ANK2: variants seen among roughly 807,000 people sequenced by gnomAD.
ANK2 encodes the protein ankyrin 2.
In ANK2, 83 loss-of-function variants were observed where a neutral mutation model predicts 360.5. That is an observed-to-expected ratio of 0.23 (90% CI 0.19 to 0.28). The LOEUF is 0.28. ANK2 is among the 10% of genes least tolerant of loss of function. The probability of loss-of-function intolerance (pLI) is 1.00; values close to 1 mark genes in which losing one functional copy is unlikely to be tolerated. For synonymous variants in ANK2, 1,740 were observed against 1,759.5 expected, an observed-to-expected ratio of 0.99 and a Z score of 0.28; for missense variants, 4,201 against 4,795.7, an observed-to-expected ratio of 0.88 and a Z score of 3.66.
intron 1 of ANK2, among the ~76,000 whole-genome samples, chr4:112,840,533 C>T (rs2061870524): frequency 1.3e-5 from 2 of 152,128 alleles, no homozygotes; most frequent in Admixed American, 1.3e-4. Context: ...ATAAGGGCCA[C>T]AGGCTTATAT....
intron 4 of ANK2, among the ~76,000 whole-genome samples, chr4:113,228,928 G>T (rs74367714): frequency 1.3e-5 from 2 of 152,120 alleles, no homozygotes; most frequent in African/African-American, 2.4e-5. Context: ...GGAATGCTTG[G>T]AGTTGCACAC....
In ANK2 at chr4:113,354,723, G is replaced by T; in HGVS notation, c.6105G>T (p.Pro2035=). ...TTCGGGTAGAAAAAGAAAAGGGGCC[G>T]ATACTAACCCAGAGAGAAGCTCAGA... is the stretch of plus-strand genomic sequence containing the variant. The part of the protein sequence containing the change: ...GKVRVEKEKG[P]ILTQREAQKT... The change falls in exon 38 of 46, where the codon CCG becomes CCT. Residue 2035 remains proline (P), a synonymous_variant. Transcript: ENST00000357077. The T allele has an allele frequency of 1.9e-6, 3 of 1,613,714 alleles. No homozygotes were observed. Among genetic ancestry groups the T allele is most frequent in the Non-Finnish European group, 2.5e-6 (3 of 1,179,928 alleles).
chr4:112,770,147 CTT>C, the ANK2 span, among the ~76,000 whole-genome samples: 469 of 152,322 alleles, frequency 3.1e-3, 2 homozygotes, highest in Non-Finnish European at 5.2e-3. Context: ...CGTGGGTTCT[CTT>C]CTCTCCCCTT....
intron 2 of ANK2, among the ~76,000 whole-genome samples, chr4:113,018,957 A>C (rs998172280): frequency 7.2e-5 from 11 of 152,194 alleles, no homozygotes; most frequent in Non-Finnish European, 2.9e-5. Context: ...GGTGAAGCTG[A>C]ACCTCCTCAA....
intron 1 of ANK2, among the ~76,000 whole-genome samples, chr4:112,821,285 A>G (rs2056949281): frequency 6.6e-6 from 1 of 151,828 alleles, no homozygotes. Flanking sequence ...CTGGGCTCAA[A>G]TGATCCTACT....
chr4:113,325,849 AT>A (rs1259160845), intron 26 of ANK2, among the ~76,000 whole-genome samples: 2 of 152,166 alleles, frequency 1.3e-5, no homozygotes, highest in African/African-American at 4.8e-5. Context: ...TAACAGGATT[AT>A]TTTTCATTGC....
At chr4:113,287,844 A>T (rs1048476387) in intron 19 of ANK2, 141 bp downstream of exon 19, 2 of 758,292 alleles carry the variant, frequency 2.6e-6, no homozygotes, top group African/African-American at 1.7e-5. Context: ...ACCCTCTCCT[A>T]TGCACAAATC....
the ANK2 span, among the ~76,000 whole-genome samples, chr4:112,707,454 G>A: frequency 1.3e-5 from 2 of 152,108 alleles, no homozygotes; most frequent in African/African-American, 4.8e-5. Flanking sequence ...GTAGAATCTA[G>A]GACTCTAATT....
At chr4:112,968,073 C>T (rs1187506730) in intron 2 of ANK2, among the ~76,000 whole-genome samples, 2 of 152,032 alleles carry the variant, frequency 1.3e-5, no homozygotes, top group Non-Finnish European at 2.9e-5. Flanking sequence ...GAGATTTGCC[C>T]AATCATGGAA....
At chr4:112,844,378 CTTACAT>C (rs2062829488) in intron 1 of ANK2, among the ~76,000 whole-genome samples, 1 of 152,206 alleles carries the variant, frequency 6.6e-6, no homozygotes, top group Non-Finnish European at 1.5e-5. Context: ...TACATTATTA[CTTACAT>C]GTTATCGCTT....
At chr4:112,949,284 T>G (rs1482599636) in intron 2 of ANK2, among the ~76,000 whole-genome samples, 1 of 152,188 alleles carries the variant, frequency 6.6e-6, no homozygotes, top group Non-Finnish European at 1.5e-5. Flanking sequence ...TGGCTTCACT[T>G]AGGAAAAACA....
intron 2 of ANK2, among the ~76,000 whole-genome samples, chr4:113,005,493 A>G (rs2052502724): frequency 1.3e-5 from 2 of 152,202 alleles, no homozygotes; most frequent in Non-Finnish European, 2.9e-5. Flanking sequence ...CAAAAAGGCA[A>G]ATACCACGTG....
chr4:113,084,886 C>A (rs981019527), intron 1 of ANK2, among the ~76,000 whole-genome samples: 1 of 152,172 alleles, frequency 6.6e-6, no homozygotes, highest in Non-Finnish European at 1.5e-5. Context: ...TCTCAATGAG[C>A]CTCTGAGAGA....
chr4:112,969,812 A>T (rs2038783864), intron 2 of ANK2, among the ~76,000 whole-genome samples: 1 of 152,168 alleles, frequency 6.6e-6, no homozygotes, highest in Non-Finnish European at 1.5e-5. Context: ...TTTATATTTG[A>T]TAATATGTAT....
At chr4:112,943,601 C>A (rs1402098297) in intron 2 of ANK2, among the ~76,000 whole-genome samples, 1 of 152,028 alleles carries the variant, frequency 6.6e-6, no homozygotes, top group Non-Finnish European at 1.5e-5. Context: ...ACCTTTAAAA[C>A]AGTCGCATTA....
chr4:113,054,180 G>A (rs929132764), intron 1 of ANK2, among the ~76,000 whole-genome samples: 2 of 152,190 alleles, frequency 1.3e-5, no homozygotes, highest in Non-Finnish European at 2.9e-5. Context: ...ATAATGATAT[G>A]AAGATAAAAA....
the ANK2 span, among the ~76,000 whole-genome samples, chr4:112,780,078 C>T: frequency 6.6e-6 from 1 of 151,984 alleles, no homozygotes; most frequent in African/African-American, 2.4e-5. Context: ...CAAAAATTAG[C>T]CAGGCTGGTG....
At chr4:113,201,392 T>C (rs2098828289) in intron 4 of ANK2, among the ~76,000 whole-genome samples, 1 of 152,178 alleles carries the variant, frequency 6.6e-6, no homozygotes, top group Admixed American at 6.5e-5. Context: ...ATGATGCTAA[T>C]GCTACTAGTC....
intron 1 of ANK2, among the ~76,000 whole-genome samples, chr4:112,870,499 G>C (rs757898603): frequency 6.6e-6 from 1 of 151,946 alleles, no homozygotes; most frequent in Non-Finnish European, 1.5e-5. Context: ...TATGAGGGAG[G>C]GATCCAAATT....
Sources: allele counts gnomAD v4.1 joint callset (sites outside exome capture counted in the v4.1 genomes callset), GRCh38; gene constraint gnomAD v4.1.1; transcripts MANE v1.5; gene names NCBI Gene and HGNC (gene_info 2026-07-23, HGNC 2026-07-21).